DARS1: variants seen among roughly 807,000 people sequenced by gnomAD.
The protein encoded by DARS1 is aspartate--tRNA ligase, cytoplasmic.
Under a neutral mutation model 68.8 loss-of-function variants are expected in DARS1, and 51 were observed. That is an observed-to-expected ratio of 0.74 (90% confidence interval 0.59 to 0.94). The LOEUF is 0.94. Among genes scored for constraint, DARS1 ranks in the 40% least tolerant of loss-of-function variants. DARS1 has a pLI of 0.00. For synonymous variants in DARS1, 203 were observed against 190.4 expected (o/e 1.07, Z -0.55); for missense variants, 607 against 597.3 (o/e 1.02, Z -0.17).
At chr2:135,961,317 A>AT in intron 4 of DARS1, 79 bp downstream of exon 4, 1 of 775,962 alleles carries the variant, frequency 1.3e-6, no homozygotes, top group Non-Finnish European at 2.3e-6. Context: ...ATGTTAATGT[A>AT]TGAAAATGGT....
At chr2:135,955,063 G>A (rs1162227378) in intron 4 of DARS1, among the ~76,000 whole-genome samples, 1 of 150,884 alleles carries the variant, frequency 6.6e-6, no homozygotes, top group Admixed American at 6.6e-5. Flanking sequence ...AGTTGGTAGA[G>A]ACTGGGGGAT....
At chr2:135,928,542 T>G (rs1681274175) in intron 7 of DARS1, among the ~76,000 whole-genome samples, 1 of 151,676 alleles carries the variant, frequency 6.6e-6, no homozygotes, top group South Asian at 2.1e-4. Flanking sequence ...GAGACGGGGT[T>G]TCGCCATGTT....
At chr2:135,911,071 C>T in intron 15 of DARS1, 68 bp downstream of exon 15, 1 of 716,592 alleles carries the variant, frequency 1.4e-6, no homozygotes, top group Non-Finnish European at 2.4e-6. Flanking sequence ...TTTAAAAATT[C>T]TTGTAATTCA....
intron 4 of DARS1, among the ~76,000 whole-genome samples, chr2:135,946,167 T>C (rs1044822355): frequency 6.6e-6 from 1 of 152,212 alleles, no homozygotes; most frequent in Non-Finnish European, 1.5e-5. Flanking sequence ...CGTACATTAC[T>C]GCAGTAGAAG....
intron 1 of DARS1, among the ~76,000 whole-genome samples, chr2:135,984,975 T>C (rs888480189): frequency 2.0e-5 from 3 of 152,324 alleles, no homozygotes; most frequent in Non-Finnish European, 4.4e-5. Context: ...TGGCAGATGG[T>C]TTTGCTAAGT....
intron 3 of DARS1, among the ~76,000 whole-genome samples, chr2:135,978,244 A>T (rs1406297561): frequency 1.3e-5 from 2 of 152,084 alleles, no homozygotes; most frequent in African/African-American, 4.8e-5. Flanking sequence ...GAATTTTTAA[A>T]ATAATGGGCA....
intron 3 of DARS1, among the ~76,000 whole-genome samples, chr2:135,974,429 G>A (rs1283528230): frequency 6.6e-6 from 1 of 152,174 alleles, no homozygotes; most frequent in East Asian, 1.9e-4. Context: ...AGAGTGAATA[G>A]TATAATGAAC....
intron 3 of DARS1, among the ~76,000 whole-genome samples, chr2:135,964,698 G>A (rs371022156): frequency 3.9e-5 from 6 of 151,918 alleles, no homozygotes; most frequent in South Asian, 2.1e-4. Context: ...AATATTAGCC[G>A]GGCGTGGTGG....
At chr2:135,912,754 T>C (rs1680922879) in intron 12 of DARS1, among the ~76,000 whole-genome samples, 188 bp from the exon 13 acceptor site, 1 of 152,156 alleles carries the variant, frequency 6.6e-6, no homozygotes, top group Non-Finnish European at 1.5e-5. Context: ...TGTCATAAAT[T>C]CTTGCAATAC....
rs549145795 is a variant in DARS1, at chr2:135,963,748, C to A, written c.218-2250G>T. Among the ~76,000 whole-genome samples, 34 of 151,280 alleles carry A rather than the reference C, an allele frequency of 2.2e-4. 1 individual carries two copies. Among genetic ancestry groups the A allele is most frequent in the Admixed American group, 6.6e-4 (10 of 15,134 alleles). On this transcript the variant is annotated intron_variant, in intron 3 of 15. Coordinates refer to ENST00000264161, the MANE Select transcript of DARS1 (RefSeq NM_001349.4). Reference sequence around the variant, plus strand: ...AGGCTGGAATGCAATGGCATAATCTCGGCTCACTGCAACCTCCACCTTCTG... The same window carrying A: ...AGGCTGGAATGCAATGGCATAATCTAGGCTCACTGCAACCTCCACCTTCTG...
chr2:135,930,102 G>C (rs574221684), intron 7 of DARS1, among the ~76,000 whole-genome samples: 21 of 152,316 alleles, frequency 1.4e-4, no homozygotes, highest in Admixed American at 1.2e-3. Flanking sequence ...ATATGTAATT[G>C]ATAAGATGAA....
At chr2:135,944,356 C>A (rs113995718) in intron 4 of DARS1, among the ~76,000 whole-genome samples, 2,155 of 152,174 alleles carry the variant, frequency 0.014, 42 homozygotes, top group African/African-American at 0.039. Flanking sequence ...TGGAAAAATT[C>A]TATTCATTCT....
At chr2:135,976,400 TAA>T (rs948860365) in intron 3 of DARS1, among the ~76,000 whole-genome samples, 44 of 152,256 alleles carry the variant, frequency 2.9e-4, no homozygotes, top group Middle Eastern at 3.4e-3. Flanking sequence ...AATATACTAA[TAA>T]AAAGTGCTAT....
intron 12 of DARS1, 117 bp from the exon 13 acceptor site, chr2:135,912,683 A>G: frequency 2.2e-6 from 1 of 449,050 alleles, no homozygotes; most frequent in Non-Finnish European, 4.0e-6. Context: ...ATTATATTGT[A>G]TATACAATGA....
intron 7 of DARS1, among the ~76,000 whole-genome samples, chr2:135,931,966 GT>G (rs1438584863): frequency 6.6e-6 from 1 of 152,164 alleles, no homozygotes; most frequent in Non-Finnish European, 1.5e-5. Context: ...TCTCACTCCT[GT>G]GGCCAACATA....
At chr2:135,944,601 T>C (rs1681678908) in intron 4 of DARS1, among the ~76,000 whole-genome samples, 1 of 152,096 alleles carries the variant, frequency 6.6e-6, no homozygotes, top group Admixed American at 6.6e-5. Context: ...ACAGCATGCA[T>C]ATCTCTTGTA....
intron 4 of DARS1, among the ~76,000 whole-genome samples, chr2:135,945,215 C>T (rs970453734): frequency 1.2e-4 from 18 of 152,204 alleles, no homozygotes; most frequent in African/African-American, 4.3e-4. Flanking sequence ...GCAACCTCCG[C>T]CTCCCGGGTT....
At chr2:135,920,630 A>G (rs1442535634) in intron 9 of DARS1, 30 bp from the exon 10 acceptor site, 3 of 1,536,746 alleles carry the variant, frequency 2.0e-6, no homozygotes. Flanking sequence ...AATAGAGAGC[A>G]AACACTGATT....
At chr2:135,947,855 T>C (rs1324406118) in intron 4 of DARS1, among the ~76,000 whole-genome samples, 1 of 151,534 alleles carries the variant, frequency 6.6e-6, no homozygotes, top group African/African-American at 2.4e-5. Flanking sequence ...CAACAACAAC[T>C]GAAAATAATA....
Sources: allele counts gnomAD v4.1 joint callset (sites outside exome capture counted in the v4.1 genomes callset), GRCh38; gene constraint gnomAD v4.1.1; transcripts MANE v1.5; gene names NCBI Gene and HGNC (gene_info 2026-07-23, HGNC 2026-07-21).